Variants in MAP3K11 observed in about 807,000 individuals in gnomAD.
MAP3K11 encodes SH3 domain-containing proline-rich kinase.
A neutral mutation model predicts 84.9 loss-of-function variants in MAP3K11; 46 were observed. The ratio of observed to expected loss-of-function variants is 0.54; its 90% CI spans 0.43 to 0.69. The LOEUF (loss-of-function observed/expected upper bound fraction) is 0.69. Among genes scored for constraint, MAP3K11 ranks in the 30% least tolerant of loss-of-function variants. MAP3K11 has a pLI of 0.00. For missense variants in MAP3K11, 1,053 were observed against 1,198.3 expected, an observed-to-expected ratio of 0.88 and a Z score of 1.79; for synonymous variants, 527 against 514.7, an observed-to-expected ratio of 1.02 and a Z score of -0.32.
intron 1 of MAP3K11, chr11:65,612,195 C>G (rs188410172): frequency 6.6e-6 from 1 of 152,532 alleles, no homozygotes; most frequent in African/African-American, 2.4e-5. Flanking sequence ...TGCTTCCATG[C>G]CTTCTCTCTC....
intron 1 of MAP3K11, chr11:65,611,946 C>T (rs529598264): frequency 6.6e-6 from 1 of 152,350 alleles, no homozygotes; most frequent in African/African-American, 2.4e-5. Context: ...CTCCCCCAGT[C>T]CTGGCAAGAA....
In MAP3K11 at chr11:65,607,700, G is replaced by A. The variant is rs1252484418; in HGVS notation, c.1186C>T (p.Gln396Ter). The A allele has an allele frequency of 6.2e-7, 1 of 1,613,698 alleles. No individual in the cohort carries two copies. Among genetic ancestry groups the A allele is most frequent in the Non-Finnish European group, 8.5e-7 (1 of 1,179,762 alleles). Residue 396 changes from glutamine (Q) to a stop codon, truncating the protein, a stop_gained, in exon 4 of 10, where the codon CAG (glutamine) becomes TAG (stop). Coordinates refer to ENST00000309100, the MANE Select transcript of MAP3K11 (RefSeq NM_002419.4). LOFTEE classifies it high-confidence loss of function. The stretch of plus-strand genomic sequence containing the variant: ...TGGATCTCGCGCTTCCAGCCTTCCT[G>A]CATGGAATGGAAGGAGTCCCGCGGC... ...EMPRDSFHSM[Q>*]EGWKREIQGL... is the part of the protein sequence containing the mutation.
At position 65,607,934 on chromosome 11, in the gene MAP3K11, G is replaced by T. The variant is rs761098005; in HGVS notation, c.1057C>A (p.Gln353Lys). ...CCCGTCCTCTTACCGGCCATAAGCT[G>T]TGCGAAGGGCTCGGGGCAGGTGGAT... ...IPSTCPEPFA[Q>K]LMADCWAQDP... Residue 353 changes from glutamine (Q) to lysine (K), a missense_variant, in exon 3 of 10, where the codon CAG (glutamine) becomes AAG (lysine). By Grantham distance (53) the Gln-to-Lys change is moderately conservative. This residue lies in a region of MAP3K11 where 310 missense variants were observed against 464.5 expected (regional missense o/e 0.67). Coordinates refer to ENST00000309100, the MANE Select transcript of MAP3K11 (RefSeq NM_002419.4). 3.1e-6 allele frequency: 5 copies of T among 1,614,072 alleles called. No individual in the cohort carries two copies. In the African/African-American group the frequency reaches 6.7e-5, roughly 22 times the overall value.
intron 8 of MAP3K11, among the ~76,000 whole-genome samples, chr11:65,602,068 T>C (rs2135364963): frequency 6.6e-6 from 1 of 151,022 alleles, no homozygotes; most frequent in South Asian, 2.1e-4. Flanking sequence ...CAGGGCATGG[T>C]GGCACGCACC....
chr11:65,608,690 T>G, intron 1 of MAP3K11: 1 of 461,472 alleles, frequency 2.2e-6, no homozygotes, highest in South Asian at 2.5e-5. Context: ...TGATCTTGGC[T>G]CACTGCAACC....
At chr11:65,598,697 T>A in intron 9 of MAP3K11, 69 bp from the exon 10 acceptor site, 2 of 1,198,970 alleles carry the variant, frequency 1.7e-6, no homozygotes, top group Non-Finnish European at 2.2e-6. Context: ...GACACTGTCC[T>A]GCTCTGGGCC....
chr11:65,608,966 A>C (rs932490118), intron 1 of MAP3K11: 3 of 155,232 alleles, frequency 1.9e-5, no homozygotes, highest in African/African-American at 7.2e-5. Context: ...GAGCTAAATA[A>C]TATTTTTCAT....
chr11:65,613,996 C>T lies in MAP3K11; in HGVS notation c.-240G>A. 1 of 522,758 alleles carries T rather than the reference C, an allele frequency of 1.9e-6. No individual in the cohort carries two copies. Among genetic ancestry groups the T allele is most frequent in the Non-Finnish European group, 3.4e-6 (1 of 297,408 alleles). The allele number at this position is 522,758 out of a possible 1,614,324, so 32.4% of individuals were successfully genotyped here. A position where few individuals can be genotyped will look rare whatever the true frequency, so the allele number is the denominator to read the frequency against. On this transcript the variant is annotated 5_prime_UTR_variant, in exon 1 of 10. Coordinates refer to ENST00000309100, the MANE Select transcript of MAP3K11 (RefSeq NM_002419.4). ...GGCCGGGGGGGTGGGGCCCCGGGGC[C>T]TCCGGCGCCTCACCATGGCTAGCTT... is the stretch of plus-strand genomic sequence containing the variant.
chr11:65,604,905 G>A (rs1213628025), intron 8 of MAP3K11, among the ~76,000 whole-genome samples: 4 of 152,150 alleles, frequency 2.6e-5, no homozygotes, highest in African/African-American at 9.7e-5. Flanking sequence ...CTCACTCAGA[G>A]CTGGGCAGTG....
At chr11:65,603,142 A>G (rs1296373335) in intron 8 of MAP3K11, among the ~76,000 whole-genome samples, 1 of 152,208 alleles carries the variant, frequency 6.6e-6, no homozygotes, top group African/African-American at 2.4e-5. Flanking sequence ...AGGGAAGAGA[A>G]GATAGGGTCC....
chr11:65,601,168 A>T (rs1167945375), intron 8 of MAP3K11, among the ~76,000 whole-genome samples: 1 of 152,124 alleles, frequency 6.6e-6, no homozygotes, highest in Admixed American at 6.6e-5. Flanking sequence ...CTCTTCTCGG[A>T]GTTCAGCCAG....
chr11:65,613,002 G>GC lies in MAP3K11; in HGVS notation c.739+15dup. On this transcript the variant is annotated intron_variant, in intron 1 of 9. Transcript: ENST00000309100. ...CCAGAGCCATGCCACCCCCAACCAT[G>GC]CCCCCAGAAACTCACTGTTGTTGGA... The GC allele has an allele frequency of 6.6e-7, 1 of 1,515,750 alleles. No individual in the cohort carries two copies. 93.9% of individuals were successfully genotyped at this position (1,515,750 alleles called of 1,614,324 possible).
chr11:65,608,114 C>T, intron 2 of MAP3K11, 44 bp from the exon 3 acceptor site: 1 of 1,603,864 alleles, frequency 6.2e-7, no homozygotes, highest in Non-Finnish European at 8.5e-7. Context: ...TCTCTCCCAA[C>T]CCCCACCCCC....
intron 8 of MAP3K11, among the ~76,000 whole-genome samples, chr11:65,600,234 G>A (rs1671299208): frequency 6.7e-6 from 1 of 148,534 alleles, no homozygotes; most frequent in African/African-American, 2.4e-5. Context: ...CTTATAAGAT[G>A]CACACAGTCA....
chr11:65,599,615 T>C lies in MAP3K11; in HGVS notation c.1985A>G (p.Gln662Arg), dbSNP rs1032192769. 3 of 1,540,364 alleles carry C rather than the reference T, an allele frequency of 1.9e-6. No homozygotes were observed. Among genetic ancestry groups the C allele is most frequent in the Non-Finnish European group, 2.6e-6 (3 of 1,149,338 alleles). Residue 662 changes from glutamine to arginine, a missense_variant, in exon 9 of 10, where the codon CAG becomes CGG. Gln to Arg is a conservative substitution (Grantham distance 43). Transcript: ENST00000309100. ...CTCGCGTCCTGGGCCTCCCGGCGGC[T>C]GCAGGTCGCGGCCAAGGCCCAGCGA... ...LASLGLGRDL[Q>R]PPGGPGRERG...
chr11:65,605,610 C>G, intron 8 of MAP3K11, 151 bp downstream of exon 8: 1 of 590,528 alleles, frequency 1.7e-6, no homozygotes, highest in Non-Finnish European at 2.9e-6. Flanking sequence ...CCAGGATCGG[C>G]TCTGTCTTGT....
chr11:65,600,819 C>T (rs56076163), intron 8 of MAP3K11, among the ~76,000 whole-genome samples: 21,764 of 152,116 alleles, frequency 0.14, 2,555 homozygotes, highest in African/African-American at 0.3. Context: ...CCCCTCCTGC[C>T]TGGAGTGCAG....
At position 65,606,820 on chromosome 11, in the gene MAP3K11, G is replaced by T. The variant is rs373743021; in HGVS notation, c.1490-16C>A. ...TGCTTGAAGTCTGGGATTTGGGTTG[G>T]GGGGAGCAGGGTTCAGGTTTGTGAT... On this transcript the variant is annotated splice_polypyrimidine_tract_variant and intron_variant, in intron 5 of 9. Transcript: ENST00000309100. 1.3e-3 allele frequency: 1,990 copies of T among 1,541,476 alleles called. 1 individual carries two copies. The highest frequency in any genetic ancestry group is 1.7e-3 in the Non-Finnish European group (1,933 of 1,119,634).
rs147700629 is a variant in MAP3K11 at position 65,598,347 on chromosome 11, C to T, written c.2488G>A (p.Ala830Thr). Reference protein sequence around the residue: ...PFQGGPQDCRAQTKDMGAQAP... With the variant: ...PFQGGPQDCRTQTKDMGAQAP... ...TGGGCACCCATGTCTTTGGTCTGTG[C>T]CCTGCAGTCCTGGGGGCCCCCCTGG... is the stretch of plus-strand genomic sequence containing the variant. Residue 830 changes from alanine (A) to threonine (T), a missense_variant, in exon 10 of 10, where the codon GCA becomes ACA. Transcript: ENST00000309100. 7 of 1,524,572 alleles carry T rather than the reference C, an allele frequency of 4.6e-6. No homozygotes were observed. Among genetic ancestry groups the T allele is most frequent in the African/African-American group, 4.2e-5 (3 of 72,178 alleles). 94.4% of individuals were successfully genotyped at this position (1,524,572 alleles called of 1,614,324 possible). A position where few individuals can be genotyped will look rare whatever the true frequency, so the allele number is the denominator to read the frequency against.
Sources: gnomAD v4.1 joint callset for allele counts (sites outside exome capture counted in the v4.1 genomes callset) on GRCh38, gnomAD v4.1.1 for gene constraint, gnomAD v4.1.1 regional missense constraint, MANE v1.5 for transcripts, NCBI Gene and HGNC (gene_info 2026-07-23, HGNC 2026-07-21) for gene names.